INVS: variants seen among roughly 807,000 people sequenced by gnomAD.
INVS encodes inversion of embryo turning homolog.
Under a neutral mutation model 108.8 loss-of-function variants are expected in INVS, and 86 were observed. That is an observed-to-expected ratio of 0.79 (90% confidence interval 0.66 to 0.95). INVS has a LOEUF of 0.95. INVS is among the 40% of genes least tolerant of loss of function. The pLI, the probability that INVS is intolerant of heterozygous loss-of-function variation, is 0.00. For synonymous variants in INVS, 455 were observed against 473.5 expected, an observed-to-expected ratio of 0.96 and a Z score of 0.51; for missense variants, 1,169 against 1,297.4, an observed-to-expected ratio of 0.90 and a Z score of 1.52.
rs201836960 is a variant in INVS at position 100,284,362 on chromosome 9, A to G, written c.1827A>G (p.Gln609=). Reference sequence around the variant, plus strand: ...ACAAACGAAAAGAGGCAGAACAGCAAAAAGGAAGGCGGAGCCCAGATTCCT... The same window carrying G: ...ACAAACGAAAAGAGGCAGAACAGCAGAAAGGAAGGCGGAGCCCAGATTCCT... The part of the protein sequence containing the change: ...EENKRKEAEQ[Q]KGRRSPDSCR... The change falls in exon 13 of 17, where the codon CAA becomes CAG. Residue 609 remains glutamine, a synonymous_variant. Transcript: ENST00000262457. 1 of 1,613,610 alleles carries G rather than the reference A, an allele frequency of 6.2e-7. No individual in the cohort carries two copies. The highest frequency in any genetic ancestry group is 2.2e-5 in the East Asian group (1 of 44,888).
chr9:100,286,143 A>G (rs1476162196), intron 13 of INVS, among the ~76,000 whole-genome samples: 1 of 152,236 alleles, frequency 6.6e-6, no homozygotes, highest in Non-Finnish European at 1.5e-5. Context: ...AGCTATGGAT[A>G]GAAATAATTC....
At chr9:100,213,720 C>T (rs55703048) in intron 3 of INVS, among the ~76,000 whole-genome samples, 3,036 of 152,254 alleles carry the variant, frequency 0.02, 90 homozygotes, top group African/African-American at 0.07. Context: ...CCCCAGAGAA[C>T]ATGTGGAAGT....
At chr9:100,235,991 C>T (rs188673921) in intron 5 of INVS, among the ~76,000 whole-genome samples, 2 of 152,294 alleles carry the variant, frequency 1.3e-5, no homozygotes, top group East Asian at 3.9e-4. Context: ...CTCCTCATCA[C>T]TTTCAGGTAC....
At chr9:100,264,264 C>T (rs1272207761) in intron 10 of INVS, among the ~76,000 whole-genome samples, 2 of 152,162 alleles carry the variant, frequency 1.3e-5, no homozygotes, top group Admixed American at 1.3e-4. Context: ...TGGAATATTA[C>T]ATAAGTAATA....
At chr9:100,203,844 A>T (rs1311517215) in intron 3 of INVS, among the ~76,000 whole-genome samples, 1 of 152,194 alleles carries the variant, frequency 6.6e-6, no homozygotes, top group Non-Finnish European at 1.5e-5. Flanking sequence ...AATGGGTCCC[A>T]TGGTCAGATA....
chr9:100,138,384 T>C (rs7847149), intron 3 of INVS, among the ~76,000 whole-genome samples: 32,002 of 151,962 alleles, frequency 0.21, 5,735 homozygotes, highest in African/African-American at 0.49. Flanking sequence ...CCAGCTAGGG[T>C]GACAAGAGCG....
At chr9:100,175,822 C>A in intron 3 of INVS, 1 of 670,198 alleles carries the variant, frequency 1.5e-6, no homozygotes. Context: ...CCTGGTGCAC[C>A]CAATCCTGGA....
At chr9:100,279,161 G>A (rs2118700488) in intron 12 of INVS, among the ~76,000 whole-genome samples, 1 of 152,310 alleles carries the variant, frequency 6.6e-6, no homozygotes, top group Admixed American at 6.5e-5. Flanking sequence ...AAGCCGGATT[G>A]AATAATGTGG....
intron 3 of INVS, among the ~76,000 whole-genome samples, chr9:100,169,882 G>A (rs1829483266): frequency 6.6e-6 from 1 of 152,132 alleles, no homozygotes; most frequent in Non-Finnish European, 1.5e-5. Context: ...AGAACTAAAT[G>A]TGTGTACAAA....
rs528993805 is a variant in INVS, at chr9:100,257,903, G to A, written c.1464+4767G>A. ...TATGTGTCTTGGAGTTGCTCTTCTC[G>A]AGGAGTATCTTTGTGGCATTCTCTG... On this transcript the variant is annotated intron_variant, in intron 10 of 16. Coordinates refer to ENST00000262457, the MANE Select transcript of INVS (RefSeq NM_014425.5). Among the ~76,000 whole-genome samples the A allele has an allele frequency of 1.1e-3, 161 of 152,158 alleles. 1 individual carries two copies. The highest frequency in any genetic ancestry group is 3.6e-3 in the African/African-American group (149 of 41,524).
intron 1 of INVS, among the ~76,000 whole-genome samples, chr9:100,101,024 A>G (rs1396094429): frequency 1.1e-5 from 1 of 92,730 alleles, no homozygotes; most frequent in Non-Finnish European, 2.0e-5. Context: ...ATGTATATAT[A>G]TTATATATAT....
At chr9:100,164,210 G>A (rs1182035915) in intron 3 of INVS, among the ~76,000 whole-genome samples, 1 of 151,952 alleles carries the variant, frequency 6.6e-6, no homozygotes, top group Non-Finnish European at 1.5e-5. Context: ...TTATGAGGTA[G>A]TACATATGTT....
chr9:100,250,427 T>A (rs1832193413), intron 8 of INVS, among the ~76,000 whole-genome samples: 1 of 152,216 alleles, frequency 6.6e-6, no homozygotes, highest in Non-Finnish European at 1.5e-5. Flanking sequence ...TTTCATGTTA[T>A]AGCACTTCAG....
At chr9:100,121,769 A>C (rs984423920) in intron 2 of INVS, among the ~76,000 whole-genome samples, 1 of 151,830 alleles carries the variant, frequency 6.6e-6, no homozygotes, top group Non-Finnish European at 1.5e-5. Context: ...CTTCTGTTTT[A>C]GTGTTCTAAG....
At chr9:100,163,002 C>T (rs1169766305) in intron 3 of INVS, among the ~76,000 whole-genome samples, 1 of 152,038 alleles carries the variant, frequency 6.6e-6, no homozygotes, top group Non-Finnish European at 1.5e-5. Context: ...GTCTGTTGGA[C>T]ACTTACAGAG....
intron 10 of INVS, among the ~76,000 whole-genome samples, chr9:100,264,281 C>T (rs1832717000): frequency 6.6e-6 from 1 of 152,088 alleles, no homozygotes; most frequent in African/African-American, 2.4e-5. Flanking sequence ...AATATGAATC[C>T]TTCTAAGGGT....
At chr9:100,189,931 T>C (rs1365576543) in intron 3 of INVS, among the ~76,000 whole-genome samples, 1 of 151,996 alleles carries the variant, frequency 6.6e-6, no homozygotes, top group Non-Finnish European at 1.5e-5. Context: ...GGTCCATTTG[T>C]TGTAGAGTGC....
Position 100,300,748 on chromosome 9 carries a change from C to T in INVS, c.*74C>T. 2 of 1,033,896 alleles carry T rather than the reference C, an allele frequency of 1.9e-6. No individual in the cohort carries two copies. The highest frequency in any genetic ancestry group is 3.0e-6 in the Non-Finnish European group (2 of 668,474). 64.0% of individuals were successfully genotyped at this position (1,033,896 alleles called of 1,614,324 possible). A position where few individuals can be genotyped will look rare whatever the true frequency, so the allele number is the denominator to read the frequency against. On this transcript the variant is annotated 3_prime_UTR_variant, in exon 17 of 17. Coordinates refer to ENST00000262457, the MANE Select transcript of INVS (RefSeq NM_014425.5). The stretch of plus-strand genomic sequence containing the variant: ...AGAGTTCAGATTTTCTGCTGATAAT[C>T]TTTTACACCTTGGGAAAACTTTAAT...
rs749012941 is a variant in INVS at position 100,252,393 on chromosome 9, G to A, written c.1189G>A (p.Ala397Thr). The change falls in exon 9 of 17, where the codon GCC becomes ACC. Residue 397 changes from alanine to threonine, a missense_variant. By Grantham distance (58) the Ala-to-Thr change is moderately conservative. Around this residue, in one of 3 missense-constraint regions of INVS, gnomAD observed 271 missense variants for 363.8 expected, o/e 0.74. Transcript: ENST00000262457. Reference protein sequence around the residue: ...DVMKHTPLFRACEMGHKDVIQ... With the variant: ...DVMKHTPLFRTCEMGHKDVIQ... ...TATGAAACATACTCCACTTTTCCGA[G>A]CCTGTGAGATGGGACACAAAGATGT... 2 of 1,613,814 alleles carry A rather than the reference G, an allele frequency of 1.2e-6. No individual in the cohort carries two copies. Among genetic ancestry groups the A allele is most frequent in the African/African-American group, 1.3e-5 (1 of 74,914 alleles).
Sources: allele counts gnomAD v4.1 joint callset (sites outside exome capture counted in the v4.1 genomes callset), GRCh38; gene constraint gnomAD v4.1.1; regional missense constraint gnomAD v4.1.1; transcripts MANE v1.5; gene names NCBI Gene and HGNC (gene_info 2026-07-23, HGNC 2026-07-21).